Variants in MYOM1 observed in about 807,000 individuals in gnomAD.
MYOM1 encodes the protein myomesin-1.
A neutral mutation model predicts 205.3 loss-of-function variants in MYOM1; 164 were observed. The ratio of observed to expected loss-of-function variants is 0.80; its 90% CI spans 0.70 to 0.91. MYOM1 has a LOEUF of 0.91. MYOM1 is among the 40% of genes least tolerant of loss of function. The pLI, the probability that MYOM1 is intolerant of heterozygous loss-of-function variation, is 0.00. For missense variants in MYOM1, 2,011 were observed against 2,127.3 expected (o/e 0.95, Z 1.08); for synonymous variants, 772 against 789.4 (o/e 0.98, Z 0.37).
chr18:3,232,049 G>C, the MYOM1 span, among the ~76,000 whole-genome samples: 2 of 151,436 alleles, frequency 1.3e-5, no homozygotes, highest in Non-Finnish European at 2.9e-5. Flanking sequence ...GTAGAACCCG[G>C]CCAGGAGCAG....
In MYOM1 at chr18:3,155,068, C is replaced by T; in HGVS notation, c.1522G>A (p.Gly508Arg). Residue 508 changes from glycine (G) to arginine (R), a missense_variant, in exon 11 of 38, where the codon GGA (glycine) becomes AGA (arginine). Physicochemically the swap from Gly to Arg is moderately radical, Grantham distance 125 (BLOSUM62 -2). Coordinates refer to ENST00000356443, the MANE Select transcript of MYOM1 (RefSeq NM_003803.4). ...FVRDADAEIE[G>R]APAAPLDVKC... is the part of the protein sequence containing the mutation. Reference sequence around the variant, plus strand: ...ACATCCAAGGGAGCAGCTGGGGCTCCTTCAATCTCTGCATCAGCATCTGTG... The same window carrying T: ...ACATCCAAGGGAGCAGCTGGGGCTCTTTCAATCTCTGCATCAGCATCTGTG... 1.2e-6 allele frequency: 2 copies of T among 1,612,554 alleles called. No homozygotes were observed. The highest frequency in any genetic ancestry group is 1.7e-6 in the Non-Finnish European group (2 of 1,179,274).
the MYOM1 span, among the ~76,000 whole-genome samples, chr18:3,232,992 C>T: frequency 6.6e-6 from 1 of 152,178 alleles, no homozygotes; most frequent in African/African-American, 2.4e-5. Context: ...CATGCTAAGG[C>T]ATGCACCCTA....
intron 10 of MYOM1, among the ~76,000 whole-genome samples, chr18:3,162,851 C>A (rs1378640060): frequency 6.6e-6 from 1 of 151,986 alleles, no homozygotes; most frequent in Non-Finnish European, 1.5e-5. Flanking sequence ...CGGTGAAACC[C>A]CATCTCTACT....
At chr18:3,080,449 G>A (rs1470194461) in intron 33 of MYOM1, among the ~76,000 whole-genome samples, 5 of 152,008 alleles carry the variant, frequency 3.3e-5, no homozygotes, top group East Asian at 1.9e-4. Context: ...GGAGGCAGGC[G>A]GATCACCTGA....
rs536374472 is a variant in MYOM1, at chr18:3,109,593, T to C, written c.3418+2705A>G. 4.6e-5 allele frequency among the ~76,000 whole-genome samples: 7 copies of C among 152,288 alleles called. No homozygotes were observed. In the South Asian group the frequency reaches 1.4e-3, roughly 32 times the overall value. On this transcript the variant is annotated intron_variant, in intron 22 of 37. Coordinates refer to ENST00000356443, the MANE Select transcript of MYOM1 (RefSeq NM_003803.4). ...CAGAAACAACCTCTTAACCTGCTCATGAATGTGAAGAACTTAACTAAGATC... is the reference window on the plus strand; with the variant it reads ...CAGAAACAACCTCTTAACCTGCTCACGAATGTGAAGAACTTAACTAAGATC...
At chr18:3,244,934 T>C in the MYOM1 span, among the ~76,000 whole-genome samples, 1 of 83,620 alleles carries the variant, frequency 1.2e-5, no homozygotes, top group Non-Finnish European at 2.6e-5. Context: ...AAAATAAAAA[T>C]ACAAAAAAAA....
chr18:3,104,098 A>G (rs1555617746), intron 22 of MYOM1, among the ~76,000 whole-genome samples: 1 of 152,228 alleles, frequency 6.6e-6, no homozygotes, highest in Non-Finnish European at 1.5e-5. Flanking sequence ...TGTAAGTTGC[A>G]GCCCACATTT....
rs9964300 is a variant in MYOM1, at chr18:3,215,032, C to A, written c.192G>T (p.Ala64=). Residue 64 remains alanine, a synonymous_variant, in exon 2 of 38, where the codon GCG becomes GCT. Coordinates refer to ENST00000356443, the MANE Select transcript of MYOM1 (RefSeq NM_003803.4). The stretch of plus-strand genomic sequence containing the variant: ...CCTGCTGCTGGGAGGAGGAGGCGGA[C>A]GCCCGACGGAAGGCCTCGGACTCCC... ...HRRESEAFRR[A]SASSSQQQAS... 0.062 allele frequency: 100,725 copies of A among 1,612,418 alleles called. 3,559 individuals are homozygous for A. The highest frequency in any genetic ancestry group is 0.13 in the African/African-American group (10,106 of 74,998).
In MYOM1 at chr18:3,179,058, A is replaced by G. The variant is rs2080690739; in HGVS notation, c.930-2924T>C. ...AATTTTTTCTATTTTTTGTAGAGAC[A>G]GGCTCTTGCTATGTTGCCTATGCTG... On this transcript the variant is annotated intron_variant, in intron 5 of 37. Transcript: ENST00000356443. The surrounding 1 kb of genome is among the most constrained non-coding windows in gnomAD (Gnocchi z 4.4). 6.6e-6 allele frequency among the ~76,000 whole-genome samples: 1 copy of G among 152,058 alleles called. No homozygotes were observed. The highest frequency in any genetic ancestry group is 2.1e-4 in the South Asian group (1 of 4,824).
At chr18:3,192,877 T>C (rs2080930605) in intron 3 of MYOM1, among the ~76,000 whole-genome samples, 2 of 138,696 alleles carry the variant, frequency 1.4e-5, no homozygotes, top group South Asian at 4.8e-4. Context: ...ATTCAAATTA[T>C]GATGAGATTT....
At chr18:3,117,016 C>T (rs907964397) in intron 20 of MYOM1, among the ~76,000 whole-genome samples, 2 of 151,910 alleles carry the variant, frequency 1.3e-5, no homozygotes, top group African/African-American at 4.8e-5. Flanking sequence ...ACCACCACAC[C>T]CGGCTAATTT....
chr18:3,090,950 G>T, intron 26 of MYOM1, 148 bp from the exon 27 acceptor site: 1 of 974,178 alleles, frequency 1.0e-6, no homozygotes, highest in Non-Finnish European at 1.5e-6. Flanking sequence ...GGGAGGTCGA[G>T]GTGGGAGGAT....
intron 2 of MYOM1, among the ~76,000 whole-genome samples, chr18:3,208,670 C>T (rs550639434): frequency 6.6e-6 from 1 of 152,200 alleles, no homozygotes; most frequent in East Asian, 1.9e-4. Flanking sequence ...GAAGACAAAC[C>T]TTAGAATATT....
chr18:3,149,265 ATGAAT>A, intron 12 of MYOM1, 64 bp from the exon 13 acceptor site: 1 of 1,393,154 alleles, frequency 7.2e-7, no homozygotes, highest in Non-Finnish European at 1.0e-6. Context: ...AGCTGCACTG[ATGAAT>A]TGGGAAAGTG....
rs375895971 is a variant in MYOM1, at chr18:3,167,197, G to C, written c.1339+1620C>G. On this transcript the variant is annotated intron_variant, in intron 9 of 37. Transcript: ENST00000356443. ...AGGAGGCACATGGTAGTGAAAAGAT[G>C]TCCAGGCTTAGAGTAAACACCAGCA... 8.9e-4 allele frequency among the ~76,000 whole-genome samples: 135 copies of C among 152,318 alleles called. 1 individual carries two copies. In the South Asian group the frequency reaches 0.023, roughly 26 times the overall value.
At chr18:3,244,561 C>T in the MYOM1 span, among the ~76,000 whole-genome samples, 1 of 152,064 alleles carries the variant, frequency 6.6e-6, no homozygotes, top group Non-Finnish European at 1.5e-5. Flanking sequence ...TGAGACCAGC[C>T]TGGCCAACAT....
intron 29 of MYOM1, among the ~76,000 whole-genome samples, chr18:3,087,731 C>G (rs1440946045): frequency 1.3e-5 from 2 of 152,156 alleles, no homozygotes; most frequent in Non-Finnish European, 2.9e-5. Flanking sequence ...CTCAAGTGAT[C>G]TGCCTGCTTT....
intron 25 of MYOM1, among the ~76,000 whole-genome samples, chr18:3,098,267 T>A (rs1372378829): frequency 6.6e-6 from 1 of 152,090 alleles, no homozygotes; most frequent in Non-Finnish European, 1.5e-5. Context: ...GCATTTATTT[T>A]ATTTTATTTT....
At chr18:3,131,570 T>G in intron 16 of MYOM1, 74 bp from the exon 17 acceptor site, 2 of 1,308,088 alleles carry the variant, frequency 1.5e-6, no homozygotes, top group Admixed American at 2.3e-5. Flanking sequence ...CTTAATGGAG[T>G]GGATCTGGCT....
Sources: allele counts gnomAD v4.1 joint callset (sites outside exome capture counted in the v4.1 genomes callset), GRCh38; gene constraint gnomAD v4.1.1; non-coding constraint Gnocchi (gnomAD v3.1); transcripts MANE v1.5; gene names NCBI Gene and HGNC (gene_info 2026-07-23, HGNC 2026-07-21).